The following ARHGEF25 variants were observed in gnomAD, a reference collection of about 807,000 sequenced individuals.
The protein encoded by ARHGEF25 is Rho guanine nucleotide exchange factor 25, also known as RAC/CDC42 exchange factor.
A neutral mutation model predicts 74.0 loss-of-function variants in ARHGEF25; 42 were observed. The ratio of observed to expected loss-of-function variants is 0.57; its 90% CI spans 0.44 to 0.73. ARHGEF25 has a LOEUF of 0.73. ARHGEF25 is among the 30% of genes least tolerant of loss of function. The pLI, the probability that ARHGEF25 is intolerant of heterozygous loss-of-function variation, is 0.00. For missense variants in ARHGEF25, 645 were observed against 725.5 expected (o/e 0.89, Z 1.27); for synonymous variants, 293 against 278.6 (o/e 1.05, Z -0.51).
Position 57,611,728 on chromosome 12 carries a change from GCCTACC to G in ARHGEF25, c.-163_-158del, listed in dbSNP as rs1884054444. The G allele has an allele frequency of 1.0e-5, 12 of 1,183,282 alleles. No homozygotes were observed. The highest frequency in any genetic ancestry group is 1.3e-5 in the Non-Finnish European group (12 of 957,078). The allele number at this position is 1,183,282 out of a possible 1,614,324, so 73.3% of individuals were successfully genotyped here. The stretch of plus-strand genomic sequence containing the variant: ...CAGCCCTCCTCAAGACTAGACTTCC[GCCTACC>G]CCTGGACACCTCCTCCCGGTCCCCT... On this transcript the variant is annotated 5_prime_UTR_variant, in exon 1 of 15. Transcript: ENST00000286494. This position sits in a 1 kb window ranked among gnomAD's most constrained non-coding sequence, Gnocchi z 4.5.
At chr12:57,613,213 G>A (rs962657738) in intron 2 of ARHGEF25, 51 bp from the exon 3 acceptor site, 7 of 1,610,296 alleles carry the variant, frequency 4.3e-6, no homozygotes, top group African/African-American at 2.7e-5. Flanking sequence ...GGCAAGTTGG[G>A]GCCACCCAGC....
chr12:57,616,709 G>A, intron 14 of ARHGEF25, 75 bp from the exon 15 acceptor site: 2 of 1,156,586 alleles, frequency 1.7e-6, no homozygotes, highest in Non-Finnish European at 2.5e-6. Context: ...CTTGGCTAGG[G>A]ACTTAAACTG....
Position 57,611,594 on chromosome 12 carries a change from C to G in ARHGEF25, c.-301C>G. ...GCCCAGCCTCCCCTACCATCCCTCC[C>G]CCTTCCACTGGACATCTGGACCCTA... is the stretch of plus-strand genomic sequence containing the variant. On this transcript the variant is annotated 5_prime_UTR_variant, in exon 1 of 15. Transcript: ENST00000286494. This position sits in a 1 kb window ranked among gnomAD's most constrained non-coding sequence, Gnocchi z 4.5. The G allele has an allele frequency of 4.9e-6, 5 of 1,015,852 alleles. No homozygotes were observed. Among genetic ancestry groups the G allele is most frequent in the Non-Finnish European group, 5.9e-6 (5 of 849,886 alleles). 62.9% of individuals were successfully genotyped at this position (1,015,852 alleles called of 1,614,324 possible).
In ARHGEF25 at chr12:57,611,593, C is replaced by T. The variant is rs1884044294; in HGVS notation, c.-302C>T. ...GGCCCAGCCTCCCCTACCATCCCTC[C>T]CCCTTCCACTGGACATCTGGACCCT... On this transcript the variant is annotated 5_prime_UTR_variant, in exon 1 of 15. Coordinates refer to ENST00000286494, the MANE Select transcript of ARHGEF25 (RefSeq NM_182947.4). This position sits in a 1 kb window ranked among gnomAD's most constrained non-coding sequence, Gnocchi z 4.5. 2.0e-6 allele frequency: 2 copies of T among 1,014,774 alleles called. No homozygotes were observed. The highest frequency in any genetic ancestry group is 2.4e-6 in the Non-Finnish European group (2 of 849,180). The allele number at this position is 1,014,774 out of a possible 1,614,324, so 62.9% of individuals were successfully genotyped here.
At position 57,611,560 on chromosome 12, in the gene ARHGEF25, C is replaced by G; in HGVS notation, c.-335C>G. 5 of 996,008 alleles carry G rather than the reference C, an allele frequency of 5.0e-6. No individual in the cohort carries two copies. The highest frequency in any genetic ancestry group is 6.0e-6 in the Non-Finnish European group (5 of 836,978). The allele number at this position is 996,008 out of a possible 1,614,324, so 61.7% of individuals were successfully genotyped here. A position where few individuals can be genotyped will look rare whatever the true frequency, so the allele number is the denominator to read the frequency against. On this transcript the variant is annotated 5_prime_UTR_variant, in exon 1 of 15. Transcript: ENST00000286494. This position sits in a 1 kb window ranked among gnomAD's most constrained non-coding sequence, Gnocchi z 4.5. ...GGCCGGAGACAGCTGGAGCGGCTGC[C>G]GCATCCCGGCCCAGCCTCCCCTACC...
At position 57,613,735 on chromosome 12, in the gene ARHGEF25, T is replaced by C; in HGVS notation, c.527T>C (p.Val176Ala). ...CTGGTAGAAACAGAGAAAATGTACG[T>C]GGACGACTTGGGGCAGATTGTGGAG... ...SELVETEKMY[V>A]DDLGQIVEGY... The change falls in exon 5 of 15, where the codon GTG (valine) becomes GCG (alanine). Residue 176 changes from valine (V) to alanine (A), a missense_variant. Physicochemically the swap from Val to Ala is moderately conservative, Grantham distance 64 (BLOSUM62 0). Coordinates refer to ENST00000286494, the MANE Select transcript of ARHGEF25 (RefSeq NM_182947.4). 6.2e-7 allele frequency: 1 copy of C among 1,614,134 alleles called. No homozygotes were observed. Among genetic ancestry groups the C allele is most frequent in the Non-Finnish European group, 8.5e-7 (1 of 1,180,000 alleles).
In ARHGEF25 at chr12:57,616,339, G is replaced by A; in HGVS notation, c.1476G>A (p.Gly492=). ...QRRESQTNSL[G]RPRGPGVGSP... ...GGGAGAGCCAGACCAACAGCCTGGG[G>A]CGGCCAAGAGGGCCTGGAGTGGGGA... The change falls in exon 14 of 15, where the codon GGG becomes GGA. Residue 492 remains glycine (G), a synonymous_variant. Coordinates refer to ENST00000286494, the MANE Select transcript of ARHGEF25 (RefSeq NM_182947.4). 6.2e-7 allele frequency: 1 copy of A among 1,613,952 alleles called. No homozygotes were observed. Among genetic ancestry groups the A allele is most frequent in the Non-Finnish European group, 8.5e-7 (1 of 1,179,998 alleles).
Position 57,612,958 on chromosome 12 carries a change from G to C in ARHGEF25, c.126G>C (p.Gly42=). The change falls in exon 2 of 15, where the codon GGG becomes GGC. Residue 42 remains glycine, a synonymous_variant. Transcript: ENST00000286494. ...CCTATTCCATTGCGGGCAGTGAGGGGAGTATATCGGCTTCTGCTGCCTCCG... is the reference window on the plus strand; with the variant it reads ...CCTATTCCATTGCGGGCAGTGAGGGCAGTATATCGGCTTCTGCTGCCTCCG... The part of the protein sequence containing the change: ...RESYSIAGSE[G]SISASAASGL... 6.2e-7 allele frequency: 1 copy of C among 1,614,110 alleles called. No individual in the cohort carries two copies.
chr12:57,616,605 C>T (rs1884303526), intron 14 of ARHGEF25, 110 bp downstream of exon 14: 1 of 1,113,606 alleles, frequency 9.0e-7, no homozygotes, highest in Non-Finnish European at 1.3e-6. Context: ...TCTGGTCCTT[C>T]CTACTTCCCA....
chr12:57,611,996 G>A lies in ARHGEF25; in HGVS notation c.97+5G>A. The A allele has an allele frequency of 7.6e-7, 1 of 1,310,120 alleles. No individual in the cohort carries two copies. Among genetic ancestry groups the A allele is most frequent in the Non-Finnish European group, 9.8e-7 (1 of 1,021,386 alleles). The allele number at this position is 1,310,120 out of a possible 1,614,324, so 81.2% of individuals were successfully genotyped here. ...GCTTCGCCCGGGGGGGACGTGGTGA[G>A]TGCCAGGTCGAGAGGGTCCAGTGTT... On this transcript the variant is annotated splice_donor_5th_base_variant and intron_variant, in intron 1 of 14. Coordinates refer to ENST00000286494, the MANE Select transcript of ARHGEF25 (RefSeq NM_182947.4). This position sits in a 1 kb window ranked among gnomAD's most constrained non-coding sequence, Gnocchi z 4.5.
In ARHGEF25 at chr12:57,615,066, T is replaced by C. The variant is rs376598767; in HGVS notation, c.960+49T>C. ...ACACACCATGTGCTCCTTATCCTCC[T>C]AGTATCTCATGGGTTCCCCCAGCCC... On this transcript the variant is annotated intron_variant, in intron 10 of 14. Transcript: ENST00000286494. 3 of 1,605,884 alleles carry C rather than the reference T, an allele frequency of 1.9e-6. No individual in the cohort carries two copies. The African/African-American group carries it at 4.0e-5, about 21-fold the overall frequency.
chr12:57,613,778 T>G lies in ARHGEF25; in HGVS notation c.552+18T>G, dbSNP rs1347395075. ...TTGTGGAGGTAGCTCCCTTTACCCC[T>G]TCCCAGCCCCTCCTGCCTGCTTTTC... On this transcript the variant is annotated intron_variant, in intron 5 of 14. Coordinates refer to ENST00000286494, the MANE Select transcript of ARHGEF25 (RefSeq NM_182947.4). The G allele has an allele frequency of 6.2e-7, 1 of 1,612,654 alleles. No homozygotes were observed. The highest frequency in any genetic ancestry group is 2.2e-5 in the East Asian group (1 of 44,888).
intron 13 of ARHGEF25, 85 bp from the exon 14 acceptor site, chr12:57,616,199 A>G (rs774341398): frequency 9.4e-6 from 14 of 1,481,920 alleles, no homozygotes; most frequent in Non-Finnish European, 1.3e-5. Context: ...ACAGGGAGGG[A>G]GGGCAAAGTG....
chr12:57,614,634 G>A lies in ARHGEF25; in HGVS notation c.816+29G>A. ...AGTAGCTGAGATGTCTTGGTGGGAA[G>A]GAGGACAGAACTGGGGCTTTCCAGG... is the stretch of plus-strand genomic sequence containing the variant. On this transcript the variant is annotated intron_variant, in intron 8 of 14. Coordinates refer to ENST00000286494, the MANE Select transcript of ARHGEF25 (RefSeq NM_182947.4). The surrounding 1 kb of genome is among the most constrained non-coding windows in gnomAD (Gnocchi z 4.6). 6.2e-7 allele frequency: 1 copy of A among 1,613,986 alleles called. No homozygotes were observed. Among genetic ancestry groups the A allele is most frequent in the Non-Finnish European group, 8.5e-7 (1 of 1,179,952 alleles).
chr12:57,613,562 A>T (rs1250316638), intron 4 of ARHGEF25, 46 bp downstream of exon 4: 8 of 1,612,758 alleles, frequency 5.0e-6, no homozygotes, highest in Non-Finnish European at 6.8e-6. Context: ...CTTCCAGAAG[A>T]CTGTCCCTCA....
At position 57,614,780 on chromosome 12, in the gene ARHGEF25, A is replaced by T; in HGVS notation, c.908A>T (p.Lys303Met). The change falls in exon 9 of 15, where the codon AAG becomes ATG. Residue 303 changes from lysine to methionine, a missense_variant and splice_region_variant. Physicochemically the swap from Lys to Met is moderately conservative, Grantham distance 95. This residue lies in a region of ARHGEF25 where 194 missense variants were observed against 269.4 expected (regional missense o/e 0.72). Coordinates refer to ENST00000286494, the MANE Select transcript of ARHGEF25 (RefSeq NM_182947.4). This position sits in a 1 kb window ranked among gnomAD's most constrained non-coding sequence, Gnocchi z 4.6. Reference sequence around the variant, plus strand: ...ATCATGAAATACCAGCTGCTGCTCAAGGTCAGGACCCCCTTTTTCCTGGGG... The same window carrying T: ...ATCATGAAATACCAGCTGCTGCTCATGGTCAGGACCCCCTTTTTCCTGGGG... Reference protein sequence around the residue: ...QRIMKYQLLLKDFLKYYNRAG... With the variant: ...QRIMKYQLLLMDFLKYYNRAG... 6.2e-7 allele frequency: 1 copy of T among 1,607,038 alleles called. No homozygotes were observed. Among genetic ancestry groups the T allele is most frequent in the Non-Finnish European group, 8.5e-7 (1 of 1,176,674 alleles).
upstream of ARHGEF25, chr12:57,610,344 G>A: frequency 7.1e-7 from 1 of 1,400,588 alleles, no homozygotes; most frequent in Non-Finnish European, 9.6e-7. Flanking sequence ...GGTGGGGTCG[G>A]GGGTCTTTCG....
Position 57,613,300 on chromosome 12 carries a change from G to A in ARHGEF25, c.349G>A (p.Glu117Lys), listed in dbSNP as rs766273748. 1.2e-6 allele frequency: 2 copies of A among 1,614,238 alleles called. No homozygotes were observed. Among genetic ancestry groups the A allele is most frequent in the South Asian group, 1.1e-5 (1 of 91,088 alleles). The change falls in exon 3 of 15, where the codon GAG becomes AAG. Residue 117 changes from glutamate (E) to lysine (K), a missense_variant. Physicochemically the swap from Glu to Lys is moderately conservative, Grantham distance 56. Coordinates refer to ENST00000286494, the MANE Select transcript of ARHGEF25 (RefSeq NM_182947.4). The part of the protein sequence containing the change: ...MLEPALATGE[E>K]LPELTLLTTL... ...GGAGCCAGCTCTAGCCACAGGAGAG[G>A]AGCTGCCGGAACTGACCTTGCTGAC... is the stretch of plus-strand genomic sequence containing the variant.
Position 57,611,819 on chromosome 12 carries a change from G to A in ARHGEF25, c.-76G>A. 8.5e-7 allele frequency: 1 copy of A among 1,173,366 alleles called. No individual in the cohort carries two copies. The highest frequency in any genetic ancestry group is 1.1e-6 in the Non-Finnish European group (1 of 934,572). 72.7% of individuals were successfully genotyped at this position (1,173,366 alleles called of 1,614,324 possible). The stretch of plus-strand genomic sequence containing the variant: ...GAGGGAGGGGGGGTGTGCGCCCGGC[G>A]CCGTCCCCGCCCCGCCCCCCGTGAT... On this transcript the variant is annotated 5_prime_UTR_variant, in exon 1 of 15. Coordinates refer to ENST00000286494, the MANE Select transcript of ARHGEF25 (RefSeq NM_182947.4). The surrounding 1 kb of genome is among the most constrained non-coding windows in gnomAD (Gnocchi z 4.5).
Sources: gnomAD v4.1 joint callset for allele counts on GRCh38, gnomAD v4.1.1 for gene constraint, gnomAD v4.1.1 regional missense constraint, Gnocchi (gnomAD v3.1) non-coding constraint, MANE v1.5 for transcripts, NCBI Gene and HGNC (gene_info 2026-07-23, HGNC 2026-07-21) for gene names.